PTPRM: variants seen among roughly 807,000 people sequenced by gnomAD.
PTPRM encodes protein tyrosine phosphatase receptor type M, also known as receptor-type tyrosine-protein phosphatase mu.
In PTPRM, 47 loss-of-function variants were observed where a neutral mutation model predicts 186.7. That is an observed-to-expected ratio of 0.25 (90% CI 0.20 to 0.32). The LOEUF (loss-of-function observed/expected upper bound fraction) is 0.32. Among genes scored for constraint, PTPRM ranks in the 10% least tolerant of loss-of-function variants. The probability of loss-of-function intolerance (pLI) is 1.00; values close to 1 mark genes in which losing one functional copy is unlikely to be tolerated. For missense variants in PTPRM, 1,494 were observed against 1,865.0 expected (o/e 0.80, Z 3.66); for synonymous variants, 668 against 674.9 (o/e 0.99, Z 0.16).
intron 1 of PTPRM, among the ~76,000 whole-genome samples, chr18:7,699,075 G>A (rs537388923): frequency 6.6e-6 from 1 of 152,264 alleles, no homozygotes; most frequent in Non-Finnish European, 1.5e-5. Context: ...CAGATCAGCG[G>A]CAGCATTAGA....
At chr18:7,846,441 G>C (rs2046599748) in intron 2 of PTPRM, among the ~76,000 whole-genome samples, 1 of 152,230 alleles carries the variant, frequency 6.6e-6, no homozygotes, top group African/African-American at 2.4e-5. Context: ...TAACGAGTAA[G>C]AACTGTTTTT....
At chr18:8,299,297 A>G (rs941269247) in intron 20 of PTPRM, among the ~76,000 whole-genome samples, 1 of 152,090 alleles carries the variant, frequency 6.6e-6, no homozygotes, top group Non-Finnish European at 1.5e-5. Flanking sequence ...TTTATTCATC[A>G]CTTTCTTTTT....
At chr18:7,871,445 T>C (rs2047980094) in intron 2 of PTPRM, among the ~76,000 whole-genome samples, 1 of 152,216 alleles carries the variant, frequency 6.6e-6, no homozygotes, top group African/African-American at 2.4e-5. Flanking sequence ...ACATAGCAAT[T>C]ACAACTTCGT....
chr18:8,303,248 G>A (rs940066861), intron 20 of PTPRM, among the ~76,000 whole-genome samples: 2 of 152,130 alleles, frequency 1.3e-5, no homozygotes, highest in African/African-American at 4.8e-5. Context: ...CAGAGACTCT[G>A]ATGTAGTGCT....
intron 14 of PTPRM, among the ~76,000 whole-genome samples, chr18:8,185,896 C>T (rs1293986094): frequency 6.6e-6 from 1 of 152,078 alleles, no homozygotes; most frequent in Non-Finnish European, 1.5e-5. Flanking sequence ...CAATGTTGCC[C>T]CTTACCTCCT....
At position 7,602,556 on chromosome 18, in the gene PTPRM, T is replaced by G. The variant is rs564334238; in HGVS notation, c.73+34665T>G. ...GATCCTCCCACCTCAGCCTCCCTAGTTGCTGCAACTATAGGCACATGCCAT... is the reference window on the plus strand; with the variant it reads ...GATCCTCCCACCTCAGCCTCCCTAGGTGCTGCAACTATAGGCACATGCCAT... On this transcript the variant is annotated intron_variant, in intron 1 of 32. Coordinates refer to ENST00000580170, the MANE Select transcript of PTPRM (RefSeq NM_001105244.2). 8.5e-5 allele frequency among the ~76,000 whole-genome samples: 13 copies of G among 152,160 alleles called. No individual in the cohort carries two copies. In the East Asian group the frequency reaches 2.5e-3, roughly 30 times the overall value.
At chr18:7,772,403 CTTTCTTTCT>C (rs2042353375) in intron 1 of PTPRM, among the ~76,000 whole-genome samples, 1 of 97,374 alleles carries the variant, frequency 1.0e-5, no homozygotes, top group Non-Finnish European at 2.2e-5. Flanking sequence ...TTCTTTCTTT[CTTTCTTTCT>C]TTTCTTTCTT....
At chr18:7,949,114 T>A (rs2052758393) in intron 5 of PTPRM, 67 bp from the exon 6 acceptor site, 4 of 1,404,978 alleles carry the variant, frequency 2.8e-6, no homozygotes, top group African/African-American at 2.9e-5. Context: ...TACCATTGGG[T>A]GTCTGACTGT....
chr18:7,698,791 G>A (rs1456234673), intron 1 of PTPRM, among the ~76,000 whole-genome samples: 2 of 152,184 alleles, frequency 1.3e-5, no homozygotes, highest in African/African-American at 4.8e-5. Context: ...CCATTCTGGT[G>A]GTTATGTGGT....
intron 1 of PTPRM, among the ~76,000 whole-genome samples, chr18:7,715,052 C>G (rs1450058049): frequency 6.6e-6 from 1 of 152,014 alleles, no homozygotes; most frequent in Non-Finnish European, 1.5e-5. Flanking sequence ...GAGACACAAC[C>G]AAAAAAGAAA....
intron 14 of PTPRM, among the ~76,000 whole-genome samples, chr18:8,182,579 C>G (rs1436755381): frequency 1.3e-5 from 2 of 152,178 alleles, no homozygotes; most frequent in South Asian, 2.1e-4. Context: ...ATATAGATGT[C>G]TAGCCCACAC....
At chr18:7,626,286 T>G (rs561571993) in intron 1 of PTPRM, among the ~76,000 whole-genome samples, 72 of 152,324 alleles carry the variant, frequency 4.7e-4, no homozygotes, top group African/African-American at 1.7e-3. Context: ...TGCACTCGCG[T>G]TTGGCAAAGA....
At chr18:8,336,570 GAGAC>G (rs1171173648) in intron 22 of PTPRM, among the ~76,000 whole-genome samples, 6 of 147,334 alleles carry the variant, frequency 4.1e-5, no homozygotes, top group Admixed American at 1.4e-4. Flanking sequence ...GAAAGAAAGA[GAGAC>G]AGACAGAGAC....
rs759949557 is a variant in PTPRM, at chr18:7,879,372, A to C, written c.197-8734A>C. On this transcript the variant is annotated intron_variant, in intron 2 of 32. Coordinates refer to ENST00000580170, the MANE Select transcript of PTPRM (RefSeq NM_001105244.2). Reference sequence around the variant, plus strand: ...ATGATCTGATTTGCTAATTCTGTGAATCTCTTTTTATTCTTTCTGTGCTCA... The same window carrying C: ...ATGATCTGATTTGCTAATTCTGTGACTCTCTTTTTATTCTTTCTGTGCTCA... Among the ~76,000 whole-genome samples, 312 of 152,154 alleles carry C rather than the reference A, an allele frequency of 2.1e-3. 2 individuals carry two copies. The highest frequency in any genetic ancestry group is 1.2e-3 in the Non-Finnish European group (84 of 68,028).
At chr18:8,064,176 T>C (rs2088863589) in intron 7 of PTPRM, among the ~76,000 whole-genome samples, 1 of 152,176 alleles carries the variant, frequency 6.6e-6, no homozygotes, top group Non-Finnish European at 1.5e-5. Flanking sequence ...AATTATTTAG[T>C]TGCTATGTAG....
intron 1 of PTPRM, among the ~76,000 whole-genome samples, chr18:7,625,338 G>C (rs1482523165): frequency 6.6e-6 from 1 of 152,088 alleles, no homozygotes; most frequent in Admixed American, 6.5e-5. Context: ...TATCAAATTG[G>C]ATACAAATAG....
At chr18:8,251,960 C>T (rs1008750067) in intron 17 of PTPRM, 1 of 152,836 alleles carries the variant, frequency 6.5e-6, no homozygotes, top group Non-Finnish European at 1.5e-5. Flanking sequence ...CATAAAACTG[C>T]TAAAGGGATT....
intron 1 of PTPRM, among the ~76,000 whole-genome samples, chr18:7,716,642 A>G (rs541335024): frequency 6.6e-5 from 10 of 151,788 alleles, no homozygotes; most frequent in Admixed American, 1.3e-4. Context: ...TTATAAGAAC[A>G]AAACAGCCCC....
chr18:8,298,548 A>G (rs2095121124), intron 20 of PTPRM, among the ~76,000 whole-genome samples: 1 of 152,194 alleles, frequency 6.6e-6, no homozygotes, highest in Non-Finnish European at 1.5e-5. Flanking sequence ...GGAGACACTG[A>G]GATATATTTT....
Sources: allele counts gnomAD v4.1 joint callset (sites outside exome capture counted in the v4.1 genomes callset), GRCh38; gene constraint gnomAD v4.1.1; transcripts MANE v1.5; gene names NCBI Gene and HGNC (gene_info 2026-07-23, HGNC 2026-07-21).